Variants in CACNA2D1 observed in about 807,000 individuals in gnomAD.
CACNA2D1 encodes voltage-dependent calcium channel subunit alpha-2/delta-1.
CACNA2D1 carries 53 observed loss-of-function variants against 171.5 expected under a neutral mutation model. That is an observed-to-expected ratio of 0.31 (90% CI 0.25 to 0.39). The LOEUF (loss-of-function observed/expected upper bound fraction) is 0.39, where lower values mean the gene tolerates loss of function less well. Ranked by LOEUF, CACNA2D1 falls within the 10% of genes least tolerant of loss-of-function variation. The pLI is 1.00. For missense variants in CACNA2D1, 903 were observed against 1,299.8 expected (o/e 0.69, Z 4.69); for synonymous variants, 442 against 443.1 (o/e 1.00, Z 0.03).
At chr7:82,015,890 G>A (rs944350510) in intron 12 of CACNA2D1, among the ~76,000 whole-genome samples, 1 of 152,088 alleles carries the variant, frequency 6.6e-6, no homozygotes, top group African/African-American at 2.4e-5. Flanking sequence ...CGTACATCAG[G>A]GATGTTGCTA....
chr7:82,377,784 A>T (rs2129448936), intron 1 of CACNA2D1, among the ~76,000 whole-genome samples: 1 of 152,298 alleles, frequency 6.6e-6, no homozygotes. Flanking sequence ...AGGAAAGCCC[A>T]AGTCCCCTTG....
Position 82,052,663 on chromosome 7 carries a change from C to T in CACNA2D1, c.879+7765G>A, listed in dbSNP as rs188627619. Among the ~76,000 whole-genome samples the T allele has an allele frequency of 1.8e-4, 28 of 152,102 alleles. No individual in the cohort carries two copies. The East Asian group carries it at 4.2e-3, about 23-fold the overall frequency. On this transcript the variant is annotated intron_variant, in intron 10 of 38. Transcript: ENST00000356860. ...TAAAGATTATATATAATGTGGTTGA[C>T]ACTAAAGATTATAAATGCAAATAAG...
chr7:82,311,346 AT>A (rs1367845949), intron 3 of CACNA2D1, among the ~76,000 whole-genome samples: 1 of 151,976 alleles, frequency 6.6e-6, no homozygotes, highest in Admixed American at 6.6e-5. Flanking sequence ...CTAGGTAAGA[AT>A]TTCTAAAACT....
At chr7:82,210,218 TCTC>T (rs1177723386) in intron 3 of CACNA2D1, among the ~76,000 whole-genome samples, 1 of 152,124 alleles carries the variant, frequency 6.6e-6, no homozygotes, top group Non-Finnish European at 1.5e-5. Flanking sequence ...TCAAAACAGT[TCTC>T]CTTAAAATTA....
At chr7:81,999,627 G>C (rs368962887) in intron 18 of CACNA2D1, among the ~76,000 whole-genome samples, 1 of 152,106 alleles carries the variant, frequency 6.6e-6, no homozygotes, top group South Asian at 2.1e-4. Flanking sequence ...AAATAAAACA[G>C]ACCATTTTCA....
intron 3 of CACNA2D1, among the ~76,000 whole-genome samples, chr7:82,210,222 C>A (rs1173272293): frequency 2.0e-5 from 3 of 152,018 alleles, no homozygotes; most frequent in East Asian, 3.9e-4. Flanking sequence ...AACAGTTCTC[C>A]TTAAAATTAT....
chr7:82,013,633 C>T lies in CACNA2D1; in HGVS notation c.1223-123G>A, dbSNP rs37136. On this transcript the variant is annotated intron_variant, in intron 13 of 38. Coordinates refer to ENST00000356860, the MANE Select transcript of CACNA2D1 (RefSeq NM_000722.4). Reference sequence around the variant, plus strand: ...GAAAACAATATATTTCACTTCAAAACTGAGCTAATACTGAAATATCAAAAT... The same window carrying T: ...GAAAACAATATATTTCACTTCAAAATTGAGCTAATACTGAAATATCAAAAT... 136,426 of 288,944 alleles carry T rather than the reference C, an allele frequency of 0.47. 34,605 individuals carry two copies. Among genetic ancestry groups the T allele is most frequent in the African/African-American group, 0.76 (33,995 of 44,840 alleles). The allele number at this position is 288,944 out of a possible 1,614,324, so 17.9% of individuals were successfully genotyped here.
chr7:81,957,950 AGTT>A (rs1477453263), intron 38 of CACNA2D1, among the ~76,000 whole-genome samples: 1 of 152,136 alleles, frequency 6.6e-6, no homozygotes, highest in Non-Finnish European at 1.5e-5. Context: ...GGTGACAAAT[AGTT>A]GATGAGCGAA....
chr7:82,089,848 G>C (rs1308881760), intron 6 of CACNA2D1, among the ~76,000 whole-genome samples: 1 of 151,946 alleles, frequency 6.6e-6, no homozygotes, highest in Non-Finnish European at 1.5e-5. Flanking sequence ...TCTTAAGTTT[G>C]AATTAAGTTT....
chr7:82,107,889 T>G (rs1787944384), intron 6 of CACNA2D1, among the ~76,000 whole-genome samples: 1 of 152,128 alleles, frequency 6.6e-6, no homozygotes, highest in Non-Finnish European at 1.5e-5. Flanking sequence ...CAGCCGGAAT[T>G]TCTTAATTGA....
chr7:82,293,219 T>C (rs1811871033), intron 3 of CACNA2D1, among the ~76,000 whole-genome samples: 1 of 152,178 alleles, frequency 6.6e-6, no homozygotes, highest in Non-Finnish European at 1.5e-5. Context: ...TCTAAGGATG[T>C]ATAATATCAT....
intron 1 of CACNA2D1, among the ~76,000 whole-genome samples, chr7:82,372,009 T>C (rs572867722): frequency 6.6e-6 from 1 of 152,324 alleles, no homozygotes; most frequent in Admixed American, 6.5e-5. Flanking sequence ...ATGTTTAACA[T>C]GCAATTTCTT....
intron 3 of CACNA2D1, among the ~76,000 whole-genome samples, chr7:82,232,797 G>A (rs1196641907): frequency 6.9e-6 from 1 of 145,094 alleles, no homozygotes; most frequent in Non-Finnish European, 1.5e-5. Context: ...CCGGGAGGCA[G>A]AGGTTGCAGT....
intron 9 of CACNA2D1, among the ~76,000 whole-genome samples, chr7:82,063,578 G>C (rs570238256): frequency 6.7e-6 from 1 of 150,174 alleles, no homozygotes; most frequent in East Asian, 2.0e-4. Flanking sequence ...TTTTTCCTCA[G>C]GGAAAAACAT....
At chr7:82,436,520 C>A (rs1289994209) in intron 1 of CACNA2D1, among the ~76,000 whole-genome samples, 2 of 152,040 alleles carry the variant, frequency 1.3e-5, no homozygotes, top group Non-Finnish European at 2.9e-5. Flanking sequence ...AGGTGAATTT[C>A]CAAATGTGAA....
intron 4 of CACNA2D1, among the ~76,000 whole-genome samples, chr7:82,145,338 A>G (rs1792871736): frequency 6.9e-6 from 1 of 145,098 alleles, no homozygotes; most frequent in Non-Finnish European, 1.5e-5. Flanking sequence ...ATTGTATATA[A>G]TATATAATTT....
At chr7:82,100,858 T>C (rs773054304) in intron 6 of CACNA2D1, among the ~76,000 whole-genome samples, 2 of 151,878 alleles carry the variant, frequency 1.3e-5, no homozygotes, top group African/African-American at 2.4e-5. Context: ...AATGCTGTAA[T>C]GCTATTTTCT....
intron 3 of CACNA2D1, among the ~76,000 whole-genome samples, chr7:82,237,590 A>T (rs543112174): frequency 6.6e-6 from 1 of 152,106 alleles, no homozygotes; most frequent in East Asian, 1.9e-4. Context: ...TTTTGATCTA[A>T]TTGGATTATT....
At chr7:82,420,375 G>A (rs2129457038) in intron 1 of CACNA2D1, among the ~76,000 whole-genome samples, 1 of 152,210 alleles carries the variant, frequency 6.6e-6, no homozygotes, top group East Asian at 1.9e-4. Flanking sequence ...ATATTTTCCT[G>A]GCATCTACAA....
Sources: allele counts gnomAD v4.1 joint callset (sites outside exome capture counted in the v4.1 genomes callset), GRCh38; gene constraint gnomAD v4.1.1; transcripts MANE v1.5; gene names NCBI Gene and HGNC (gene_info 2026-07-23, HGNC 2026-07-21).